TBC1D5: variants seen among roughly 807,000 people sequenced by gnomAD.
The protein encoded by TBC1D5 is TBC1 domain family member 5, also known as TBC1 domain family, member 5.
In TBC1D5, 75 loss-of-function variants were observed where a neutral mutation model predicts 100.3. The observed-to-expected ratio is 0.75, with a 90% CI of 0.62 to 0.91. TBC1D5 has a LOEUF of 0.91. Ranked by LOEUF, TBC1D5 falls within the 40% of genes least tolerant of loss-of-function variation. The pLI is 0.00. For synonymous variants in TBC1D5, 323 were observed against 325.6 expected (o/e 0.99, Z 0.09); for missense variants, 910 against 942.4 (o/e 0.97, Z 0.45).
intron 13 of TBC1D5, among the ~76,000 whole-genome samples, chr3:17,344,208 T>C (rs1559679356): frequency 6.6e-6 from 1 of 152,088 alleles, no homozygotes; most frequent in Non-Finnish European, 1.5e-5. Flanking sequence ...GATAAGCAAC[T>C]TCAGCAAAGT....
intron 4 of TBC1D5, among the ~76,000 whole-genome samples, chr3:17,409,143 GGCAACCTT>G (rs2093853286): frequency 6.6e-6 from 1 of 152,194 alleles, no homozygotes; most frequent in East Asian, 1.9e-4. Flanking sequence ...GAAGGTTTGT[GGCAACCTT>G]GCATTGAGCA....
intron 2 of TBC1D5, among the ~76,000 whole-genome samples, chr3:17,543,203 C>G (rs1354504272): frequency 6.6e-6 from 1 of 152,112 alleles, no homozygotes; most frequent in Non-Finnish European, 1.5e-5. Context: ...CTGTATGTGC[C>G]TCTACATGCA....
chr3:17,198,659 A>G (rs2071043669), intron 18 of TBC1D5, among the ~76,000 whole-genome samples: 3 of 152,288 alleles, frequency 2.0e-5, no homozygotes, highest in African/African-American at 7.2e-5. Context: ...GTCTAGAACT[A>G]TTACAACTGT....
At chr3:17,230,036 T>C (rs1259249971) in intron 17 of TBC1D5, among the ~76,000 whole-genome samples, 1 of 152,224 alleles carries the variant, frequency 6.6e-6, no homozygotes, top group African/African-American at 2.4e-5. Flanking sequence ...AAAATGATTA[T>C]ACTGAACATA....
intron 3 of TBC1D5, among the ~76,000 whole-genome samples, chr3:17,456,184 A>G (rs184559126): frequency 2.0e-5 from 3 of 151,464 alleles, no homozygotes; most frequent in African/African-American, 7.3e-5. Flanking sequence ...AAGACCTCAA[A>G]CTATTAAACT....
intron 8 of TBC1D5, among the ~76,000 whole-genome samples, chr3:17,385,940 T>C (rs2093134734): frequency 2.0e-5 from 3 of 152,108 alleles, no homozygotes; most frequent in Admixed American, 2.0e-4. Flanking sequence ...CAGAATGATG[T>C]CAAATGCACT....
intron 2 of TBC1D5, among the ~76,000 whole-genome samples, chr3:17,572,040 G>C (rs192378091): frequency 6.6e-6 from 1 of 151,908 alleles, no homozygotes; most frequent in Non-Finnish European, 1.5e-5. Flanking sequence ...CCATTGTCTC[G>C]GTTGGGACTT....
In TBC1D5 at chr3:17,289,963, G is replaced by A. The variant is rs116512950; in HGVS notation, c.1245+1932C>T. The stretch of plus-strand genomic sequence containing the variant: ...CTTAACTATATCTACCATTTTGCAG[G>A]GTTAGCCATCTGAAAGCCCCTTTTC... On this transcript the variant is annotated intron_variant, in intron 15 of 21. Transcript: ENST00000253692. 7.0e-3 allele frequency among the ~76,000 whole-genome samples: 1,063 copies of A among 152,210 alleles called. 16 individuals are homozygous for A. Among genetic ancestry groups the A allele is most frequent in the African/African-American group, 0.024 (997 of 41,514 alleles).
chr3:17,195,790 C>T (rs565115658), intron 18 of TBC1D5, among the ~76,000 whole-genome samples: 251 of 147,880 alleles, frequency 1.7e-3, no homozygotes, highest in Non-Finnish European at 2.5e-3. Context: ...ATTACCACTT[C>T]TGAGACTTCT....
At chr3:17,345,496 G>A (rs1315147889) in intron 13 of TBC1D5, among the ~76,000 whole-genome samples, 4 of 152,122 alleles carry the variant, frequency 2.6e-5, no homozygotes, top group Non-Finnish European at 5.9e-5. Context: ...TTCAACCATT[G>A]TGGAAGTCAG....
intron 4 of TBC1D5, among the ~76,000 whole-genome samples, chr3:17,411,454 G>A (rs2093922551): frequency 6.6e-6 from 1 of 152,100 alleles, no homozygotes; most frequent in Non-Finnish European, 1.5e-5. Context: ...ATAGCTTGTA[G>A]TCTGTGAACA....
intron 2 of TBC1D5, among the ~76,000 whole-genome samples, chr3:17,541,271 C>T (rs1004667050): frequency 2.0e-5 from 3 of 151,298 alleles, no homozygotes; most frequent in African/African-American, 7.3e-5. Context: ...GTAGTACTGA[C>T]ATCATAACAA....
At chr3:17,658,255 CCATT>C (rs1460750031) in intron 1 of TBC1D5, among the ~76,000 whole-genome samples, 1 of 152,180 alleles carries the variant, frequency 6.6e-6, no homozygotes, top group Non-Finnish European at 1.5e-5. Flanking sequence ...TCCATTAACT[CCATT>C]CATTCAATTA....
chr3:17,175,232 G>C (rs934757212), intron 19 of TBC1D5, among the ~76,000 whole-genome samples: 4 of 152,212 alleles, frequency 2.6e-5, no homozygotes, highest in African/African-American at 4.8e-5. Context: ...AGCACTGGGA[G>C]AGGAACATTA....
chr3:17,546,961 G>T (rs957066652), intron 2 of TBC1D5: 1 of 152,110 alleles, frequency 6.6e-6, no homozygotes, highest in Non-Finnish European at 1.5e-5. Context: ...AGGTCCCAGA[G>T]AGAACATCTC....
upstream of TBC1D5, chr3:17,742,543 T>TTCTC (rs1156890556): frequency 6.6e-6 from 1 of 152,546 alleles, no homozygotes; most frequent in Non-Finnish European, 1.5e-5. Context: ...CCCCTCCTCT[T>TTCTC]TCTCTCTCTC....
At chr3:17,347,379 C>T (rs2090030864) in intron 13 of TBC1D5, among the ~76,000 whole-genome samples, 1 of 152,124 alleles carries the variant, frequency 6.6e-6, no homozygotes, top group African/African-American at 2.4e-5. Flanking sequence ...TTTTGAAATG[C>T]TCCTCATGAC....
intron 16 of TBC1D5, among the ~76,000 whole-genome samples, chr3:17,245,650 A>G (rs749909794): frequency 1.7e-4 from 26 of 152,228 alleles, no homozygotes; most frequent in Non-Finnish European, 1.2e-4. Context: ...ACAGTTTATA[A>G]TGTTGATTAA....
chr3:17,635,953 G>C (rs1419520870), intron 1 of TBC1D5, among the ~76,000 whole-genome samples: 1 of 152,172 alleles, frequency 6.6e-6, no homozygotes, highest in Admixed American at 6.5e-5. Flanking sequence ...AGCACTTTGG[G>C]AGGCCAAGAC....
Sources: allele counts gnomAD v4.1 joint callset (sites outside exome capture counted in the v4.1 genomes callset), GRCh38; gene constraint gnomAD v4.1.1; transcripts MANE v1.5; gene names NCBI Gene and HGNC (gene_info 2026-07-23, HGNC 2026-07-21).